CHMP4C: variants seen among roughly 807,000 people sequenced by gnomAD.
The protein encoded by CHMP4C is SNF7 homolog associated with Alix 3.
In CHMP4C, 28 loss-of-function variants were observed where a neutral mutation model predicts 29.0. That is an observed-to-expected ratio of 0.97 (90% CI 0.72 to 1.32). The LOEUF is 1.32. CHMP4C is among the 40% of genes most tolerant of loss of function. The probability of loss-of-function intolerance (pLI) is 0.00; values close to 1 mark genes in which losing one functional copy is unlikely to be tolerated. For missense variants in CHMP4C, 291 were observed against 281.0 expected (o/e 1.04, Z -0.25); for synonymous variants, 106 against 102.4 (o/e 1.04, Z -0.21).
In CHMP4C at chr8:81,745,989, A is replaced by G. The variant is rs76007467; in HGVS notation, c.191-7075A>G. 6.6e-5 allele frequency among the ~76,000 whole-genome samples: 10 copies of G among 152,352 alleles called. No individual in the cohort carries two copies. In the East Asian group the frequency reaches 1.9e-3, roughly 29 times the overall value. ...ATTTGTTGCATGCCTTTGAAAAAAT[A>G]CAGCTGCTTCTTTCCCAAGTTGTTT... On this transcript the variant is annotated intron_variant, in intron 1 of 4. Transcript: ENST00000297265.
At chr8:81,755,127 A>G (rs1049769348) in intron 2 of CHMP4C, among the ~76,000 whole-genome samples, 1 of 152,180 alleles carries the variant, frequency 6.6e-6, no homozygotes, top group Non-Finnish European at 1.5e-5. Context: ...TAGTTATAAA[A>G]TACTTTTATT....
At chr8:81,754,886 A>G (rs1008242532) in intron 2 of CHMP4C, among the ~76,000 whole-genome samples, 6 of 152,120 alleles carry the variant, frequency 3.9e-5, no homozygotes, top group African/African-American at 1.2e-4. Context: ...GGGAGCCAGG[A>G]TTTCAGAGCT....
intron 1 of CHMP4C, among the ~76,000 whole-genome samples, chr8:81,741,655 T>C (rs1808763908): frequency 6.6e-6 from 1 of 152,172 alleles, no homozygotes; most frequent in Admixed American, 6.5e-5. Flanking sequence ...TTTTGTACTA[T>C]GCCTAAGTAC....
chr8:81,739,719 A>C (rs191143991), intron 1 of CHMP4C, among the ~76,000 whole-genome samples: 2 of 152,314 alleles, frequency 1.3e-5, no homozygotes, highest in East Asian at 3.9e-4. Flanking sequence ...GAGCCATTGC[A>C]AGGATCCAAT....
intron 1 of CHMP4C, among the ~76,000 whole-genome samples, chr8:81,750,208 T>C (rs1163975887): frequency 6.6e-6 from 1 of 151,990 alleles, no homozygotes; most frequent in Non-Finnish European, 1.5e-5. Flanking sequence ...AGAAACATAA[T>C]CTTTTAAAAA....
intron 1 of CHMP4C, among the ~76,000 whole-genome samples, chr8:81,751,634 T>C (rs1808905304): frequency 6.6e-6 from 1 of 151,606 alleles, no homozygotes; most frequent in Non-Finnish European, 1.5e-5. Context: ...TCGATCTACA[T>C]AAAGACAAGA....
rs755749647 is a variant in CHMP4C at position 81,758,302 on chromosome 8, T to C, written c.637+7T>C. ...GCACGTCGATCCCGAGCAGGTCTGT[T>C]ACCCAGCTCAACTACATGTGGTCAG... On this transcript the variant is annotated splice_region_variant and intron_variant, in intron 4 of 4. Coordinates refer to ENST00000297265, the MANE Select transcript of CHMP4C (RefSeq NM_152284.4). The C allele has an allele frequency of 3.8e-5, 61 of 1,613,744 alleles. No individual in the cohort carries two copies. The highest frequency in any genetic ancestry group is 5.2e-5 in the Non-Finnish European group (61 of 1,179,846).
At chr8:81,747,709 C>T (rs921284486) in intron 1 of CHMP4C, among the ~76,000 whole-genome samples, 1 of 151,972 alleles carries the variant, frequency 6.6e-6, no homozygotes, top group Non-Finnish European at 1.5e-5. Context: ...AACTGGACGT[C>T]CAGGGGAGAC....
chr8:81,737,712 T>A (rs1808710869), intron 1 of CHMP4C, among the ~76,000 whole-genome samples: 1 of 152,194 alleles, frequency 6.6e-6, no homozygotes. Context: ...TAATCCTGTT[T>A]CCTTATCTGC....
At position 81,758,254 on chromosome 8, in the gene CHMP4C, GA is replaced by G. The variant is rs1458766629; in HGVS notation, c.600del (p.Lys200AsnfsTer43). ...PSSSLPAQPN[R>X]KPGMSSTARR... ...TCTTCTCTCCCAGCACAGCCAAATAGAAAACCAGGCATGTCGTCCACTGCAC... is the reference window on the plus strand; with the variant it reads ...TCTTCTCTCCCAGCACAGCCAAATAGAAACCAGGCATGTCGTCCACTGCAC... On this transcript the variant is annotated frameshift_variant, in exon 4 of 5. Coordinates refer to ENST00000297265, the MANE Select transcript of CHMP4C (RefSeq NM_152284.4). LOFTEE classifies it high-confidence loss of function. The G allele has an allele frequency of 6.2e-7, 1 of 1,613,860 alleles. No homozygotes were observed. Among genetic ancestry groups the G allele is most frequent in the African/African-American group, 1.3e-5 (1 of 74,902 alleles).
At chr8:81,753,517 A>C (rs376505764) in intron 2 of CHMP4C, among the ~76,000 whole-genome samples, 3 of 152,156 alleles carry the variant, frequency 2.0e-5, no homozygotes, top group African/African-American at 7.2e-5. Context: ...TCTACAGTTT[A>C]AAAAAGGCTT....
At chr8:81,742,130 G>A (rs1412246635) in intron 1 of CHMP4C, among the ~76,000 whole-genome samples, 1 of 152,134 alleles carries the variant, frequency 6.6e-6, no homozygotes, top group Non-Finnish European at 1.5e-5. Flanking sequence ...TTTAACCACT[G>A]CTAAGCCTTT....
At position 81,753,099 on chromosome 8, in the gene CHMP4C, G is replaced by T. The variant is rs555770267; in HGVS notation, c.226G>T (p.Glu76Ter). 2 of 1,611,594 alleles carry T rather than the reference G, an allele frequency of 1.2e-6. No individual in the cohort carries two copies. The highest frequency in any genetic ancestry group is 1.7e-6 in the Non-Finnish European group (2 of 1,178,810). The change falls in exon 2 of 5, where the codon GAG becomes TAG. Residue 76 changes from glutamate to a stop codon, truncating the protein, a stop_gained. Transcript: ENST00000297265. LOFTEE classifies it high-confidence loss of function. ...GGCACTAAAGAGAAAGAAGAGGTTCGAGAAACAGCTCACTCAGATTGATGG... is the reference window on the plus strand; with the variant it reads ...GGCACTAAAGAGAAAGAAGAGGTTCTAGAAACAGCTCACTCAGATTGATGG... ...LQALKRKKRFEKQLTQIDGTL... is the reference protein window; with the variant it reads ...LQALKRKKRF
intron 1 of CHMP4C, among the ~76,000 whole-genome samples, chr8:81,748,031 CCGGGGCGGCCAG>C (rs751068344): frequency 7.7e-4 from 113 of 146,416 alleles, no homozygotes; most frequent in Non-Finnish European, 1.3e-3. Context: ...CAGGTACGCC[CCGGGGCGGCCAG>C]TCCCGAGACC....
rs185563428 is a variant in CHMP4C, at chr8:81,747,437, G to A, written c.191-5627G>A. Among the ~76,000 whole-genome samples, 144 of 152,184 alleles carry A rather than the reference G, an allele frequency of 9.5e-4. 2 individuals are homozygous for A. Among genetic ancestry groups the A allele is most frequent in the South Asian group, 6.4e-3 (31 of 4,822 alleles). Reference sequence around the variant, plus strand: ...TGAACCAGCCTGACGAGATAGGGAAGACATGCACTCTGAAGATTCCACTTC... The same window carrying A: ...TGAACCAGCCTGACGAGATAGGGAAAACATGCACTCTGAAGATTCCACTTC... On this transcript the variant is annotated intron_variant, in intron 1 of 4. Coordinates refer to ENST00000297265, the MANE Select transcript of CHMP4C (RefSeq NM_152284.4).
Position 81,748,066 on chromosome 8 carries a change from C to T in CHMP4C, c.191-4998C>T, listed in dbSNP as rs181740118. Among the ~76,000 whole-genome samples the T allele has an allele frequency of 3.0e-4, 45 of 152,236 alleles. 1 individual carries two copies. Among genetic ancestry groups the T allele is most frequent in the Middle Eastern group, 3.4e-3 (1 of 294 alleles). On this transcript the variant is annotated intron_variant, in intron 1 of 4. Transcript: ENST00000297265. Reference sequence around the variant, plus strand: ...CAGTCCCGAGACCTACCCATAGGTGCGCATTCTCTTTCTCAGGGATATTCC... The same window carrying T: ...CAGTCCCGAGACCTACCCATAGGTGTGCATTCTCTTTCTCAGGGATATTCC...
At chr8:81,751,488 T>C (rs1808902548) in intron 1 of CHMP4C, among the ~76,000 whole-genome samples, 2 of 152,246 alleles carry the variant, frequency 1.3e-5, no homozygotes, top group South Asian at 4.1e-4. Context: ...AAATTATAGA[T>C]ACTGATTAAT....
chr8:81,742,025 G>C (rs1808768065), intron 1 of CHMP4C, among the ~76,000 whole-genome samples: 1 of 152,144 alleles, frequency 6.6e-6, no homozygotes, highest in Non-Finnish European at 1.5e-5. Context: ...GTGCTGATAG[G>C]GAATTGCTTG....
intron 1 of CHMP4C, among the ~76,000 whole-genome samples, chr8:81,736,784 G>A (rs570917831): frequency 6.6e-6 from 1 of 152,182 alleles, no homozygotes; most frequent in Non-Finnish European, 1.5e-5. Flanking sequence ...CATGGGACAG[G>A]TTGGCAAATT....
Sources: gnomAD v4.1 joint callset for allele counts (sites outside exome capture counted in the v4.1 genomes callset) on GRCh38, gnomAD v4.1.1 for gene constraint, MANE v1.5 for transcripts, NCBI Gene and HGNC (gene_info 2026-07-23, HGNC 2026-07-21) for gene names.